Variants in MED12L observed in about 807,000 individuals in gnomAD.
The protein encoded by MED12L is mediator of RNA polymerase II transcription subunit 12-like protein.
A neutral mutation model predicts 281.3 loss-of-function variants in MED12L; 60 were observed. That is an observed-to-expected ratio of 0.21 (90% CI 0.17 to 0.26). MED12L has a LOEUF of 0.26. Ranked by LOEUF, MED12L falls within the 10% of genes least tolerant of loss-of-function variation. The pLI is 1.00. For missense variants in MED12L, 2,146 were observed against 2,680.9 expected, an observed-to-expected ratio of 0.80 and a Z score of 4.41; for synonymous variants, 974 against 987.2, an observed-to-expected ratio of 0.99 and a Z score of 0.25.
At chr3:151,245,872 C>A (rs965605486) in intron 16 of MED12L, among the ~76,000 whole-genome samples, 94 of 151,724 alleles carry the variant, frequency 6.2e-4, no homozygotes, top group Middle Eastern at 3.4e-3. Context: ...TAGAAAACCC[C>A]ATCGTTTCAG....
intron 16 of MED12L, among the ~76,000 whole-genome samples, chr3:151,254,942 G>A (rs1417984413): frequency 1.3e-5 from 2 of 152,174 alleles, no homozygotes; most frequent in African/African-American, 2.4e-5. Flanking sequence ...GCTACCAAAA[G>A]TCTGAGTCAG....
intron 39 of MED12L, 137 bp from the exon 40 acceptor site, chr3:151,409,106 T>C: frequency 1.5e-6 from 1 of 651,426 alleles, no homozygotes; most frequent in Non-Finnish European, 2.7e-6. Context: ...AGAAATAATA[T>C]TTAATACATT....
At chr3:151,267,354 G>A (rs1740036619) in intron 16 of MED12L, among the ~76,000 whole-genome samples, 1 of 152,204 alleles carries the variant, frequency 6.6e-6, no homozygotes, top group African/African-American at 2.4e-5. Flanking sequence ...AGTGTATAAT[G>A]TAATCAAATT....
chr3:151,360,153 A>G (rs1560074942), intron 20 of MED12L, among the ~76,000 whole-genome samples: 1 of 152,114 alleles, frequency 6.6e-6, no homozygotes, highest in Admixed American at 6.6e-5. Flanking sequence ...GGCTCTCTAC[A>G]ACAGTTTTCC....
chr3:151,403,477 A>G (rs562027023), intron 39 of MED12L, among the ~76,000 whole-genome samples: 1 of 151,980 alleles, frequency 6.6e-6, no homozygotes. Context: ...ATCACATCCC[A>G]CTCACTGGCT....
At chr3:151,089,689 G>A (rs1288512466) in intron 2 of MED12L, among the ~76,000 whole-genome samples, 1 of 151,518 alleles carries the variant, frequency 6.6e-6, no homozygotes, top group Non-Finnish European at 1.5e-5. Flanking sequence ...TGGGGCGGGG[G>A]GGAGAATATG....
chr3:151,174,088 T>A (rs1215633529), intron 11 of MED12L, among the ~76,000 whole-genome samples: 3 of 152,230 alleles, frequency 2.0e-5, no homozygotes, highest in African/African-American at 7.2e-5. Flanking sequence ...ACTTACCAGT[T>A]GAGCACCCCA....
At chr3:151,166,267 A>G (rs1720700068) in intron 11 of MED12L, among the ~76,000 whole-genome samples, 1 of 152,124 alleles carries the variant, frequency 6.6e-6, no homozygotes, top group South Asian at 2.1e-4. Context: ...AATATCCTTC[A>G]TTTAGTGATT....
rs61102632 is a variant in MED12L, at chr3:151,247,962, C to CTTTT, written c.2250+54316_2250+54319dup. ...GTTTACTTTCTTTCTTCTTCTTCTTCTTTTTTTTTTTTTTTTTTTTTTTGC... is the reference window on the plus strand; with the variant it reads ...GTTTACTTTCTTTCTTCTTCTTCTTCTTTTTTTTTTTTTTTTTTTTTTTTTTTGC... On this transcript the variant is annotated intron_variant, in intron 16 of 44. Coordinates refer to ENST00000687756, the MANE Select transcript of MED12L (RefSeq NM_001393769.1). 1.0e-2 allele frequency among the ~76,000 whole-genome samples: 756 copies of CTTTT among 75,816 alleles called. 9 individuals are homozygous for CTTTT. The highest frequency in any genetic ancestry group is 0.013 in the Non-Finnish European group (522 of 40,656). 49.7% of individuals were successfully genotyped at this position (75,816 alleles called of 152,430 possible).
chr3:151,423,491 G>T (rs1010897602), intron 43 of MED12L, among the ~76,000 whole-genome samples: 3 of 152,086 alleles, frequency 2.0e-5, no homozygotes, highest in African/African-American at 7.2e-5. Context: ...ATCTGGTCTG[G>T]ACTTAATATC....
At chr3:151,234,586 A>G (rs1408553795) in intron 16 of MED12L, among the ~76,000 whole-genome samples, 2 of 152,206 alleles carry the variant, frequency 1.3e-5, no homozygotes, top group Non-Finnish European at 2.9e-5. Context: ...ATGACCAAAA[A>G]TATCCTTATT....
intron 2 of MED12L, among the ~76,000 whole-genome samples, chr3:151,101,678 A>G: frequency 8.7e-6 from 1 of 114,618 alleles, no homozygotes; most frequent in Non-Finnish European, 1.7e-5. Flanking sequence ...GGCCTGGTGG[A>G]GCGTCTGCTG....
chr3:151,245,956 A>G (rs1226876161), intron 16 of MED12L, among the ~76,000 whole-genome samples: 2 of 151,338 alleles, frequency 1.3e-5, no homozygotes, highest in Admixed American at 1.3e-4. Flanking sequence ...AAAAATCACA[A>G]GCATTCTTAT....
At chr3:151,411,697 T>A (rs144802027) in intron 41 of MED12L, among the ~76,000 whole-genome samples, 190 bp downstream of exon 41, 62 of 152,366 alleles carry the variant, frequency 4.1e-4, no homozygotes, top group African/African-American at 1.4e-3. Flanking sequence ...TCCATCTTGT[T>A]TATTTCATTA....
chr3:151,131,113 C>A (rs545373676), intron 5 of MED12L, among the ~76,000 whole-genome samples: 1 of 152,284 alleles, frequency 6.6e-6, no homozygotes, highest in Admixed American at 6.5e-5. Flanking sequence ...ATCCTTGAAA[C>A]TTTCATTATC....
chr3:151,291,568 C>T (rs1449305094), intron 16 of MED12L, among the ~76,000 whole-genome samples: 1 of 152,076 alleles, frequency 6.6e-6, no homozygotes, highest in Non-Finnish European at 1.5e-5. Flanking sequence ...TGAGAAGATT[C>T]TGAAATACTG....
intron 30 of MED12L, among the ~76,000 whole-genome samples, 174 bp downstream of exon 30, chr3:151,377,352 C>T (rs1009298464): frequency 1.3e-5 from 2 of 152,106 alleles, no homozygotes; most frequent in African/African-American, 2.4e-5. Flanking sequence ...ATGATAGCTT[C>T]GGAATATTTG....
chr3:151,246,352 G>T (rs1196189448), intron 16 of MED12L, among the ~76,000 whole-genome samples: 1 of 151,706 alleles, frequency 6.6e-6, no homozygotes, highest in South Asian at 2.1e-4. Context: ...GAGGCATCAC[G>T]CTACCTGACT....
chr3:151,235,520 A>G (rs1335767785), intron 16 of MED12L, among the ~76,000 whole-genome samples: 1 of 152,132 alleles, frequency 6.6e-6, no homozygotes, highest in East Asian at 1.9e-4. Flanking sequence ...CATGGCTAAC[A>G]TGGTGAAACC....
Sources: gnomAD v4.1 joint callset for allele counts (sites outside exome capture counted in the v4.1 genomes callset) on GRCh38, gnomAD v4.1.1 for gene constraint, MANE v1.5 for transcripts, NCBI Gene and HGNC (gene_info 2026-07-23, HGNC 2026-07-21) for gene names.